The following THRB variants were observed in gnomAD, a reference collection of about 807,000 sequenced individuals.
THRB encodes nuclear receptor subfamily 1 group A member 2.
Under a neutral mutation model 47.8 loss-of-function variants are expected in THRB, and 12 were observed. The ratio of observed to expected loss-of-function variants is 0.25; its 90% CI spans 0.16 to 0.41. THRB has a LOEUF of 0.41. Among genes scored for constraint, THRB ranks in the 10% least tolerant of loss-of-function variants. THRB has a pLI of 1.00. For missense variants in THRB, 348 were observed against 589.2 expected, an observed-to-expected ratio of 0.59 and a Z score of 4.24; for synonymous variants, 218 against 212.2, an observed-to-expected ratio of 1.03 and a Z score of -0.24.
intron 1 of THRB, among the ~76,000 whole-genome samples, chr3:24,371,778 C>T (rs764195627): frequency 1.3e-5 from 2 of 152,060 alleles, no homozygotes; most frequent in Admixed American, 1.3e-4. Context: ...CCCTTGGAGG[C>T]GTTGAAGGCA....
At chr3:24,165,042 A>T in intron 5 of THRB, 1 of 750,788 alleles carries the variant, frequency 1.3e-6, no homozygotes, top group South Asian at 1.4e-5. Context: ...TTTTGAGAAT[A>T]CGATGGCGAC....
intron 1 of THRB, among the ~76,000 whole-genome samples, chr3:24,430,356 A>G (rs561006832): frequency 1.3e-5 from 2 of 152,252 alleles, no homozygotes; most frequent in East Asian, 1.9e-4. Flanking sequence ...GAGGCTTTGC[A>G]TTGAAGATCA....
intron 8 of THRB, among the ~76,000 whole-genome samples, chr3:24,143,046 A>G (rs539079773): frequency 5.9e-5 from 9 of 152,172 alleles, no homozygotes; most frequent in Non-Finnish European, 1.0e-4. Flanking sequence ...AAGCTAAAAA[A>G]TTTTGACTTC....
intron 1 of THRB, among the ~76,000 whole-genome samples, chr3:24,388,793 G>A (rs1334159529): frequency 6.6e-6 from 1 of 151,982 alleles, no homozygotes; most frequent in Non-Finnish European, 1.5e-5. Flanking sequence ...CTCAAGGCAG[G>A]CTACTTCCTT....
intron 1 of THRB, among the ~76,000 whole-genome samples, chr3:24,443,982 C>T (rs2071807499): frequency 6.6e-6 from 1 of 152,034 alleles, no homozygotes; most frequent in Non-Finnish European, 1.5e-5. Flanking sequence ...TGATAATTTA[C>T]CAAAATCATC....
chr3:24,474,909 C>A (rs1695221321), intron 1 of THRB, among the ~76,000 whole-genome samples: 1 of 152,194 alleles, frequency 6.6e-6, no homozygotes. Flanking sequence ...TGAAATTTGT[C>A]CAATACGCTG....
chr3:24,432,845 G>C (rs552707443), intron 1 of THRB, among the ~76,000 whole-genome samples: 1 of 152,084 alleles, frequency 6.6e-6, no homozygotes, highest in South Asian at 2.1e-4. Context: ...CTGATTCTGG[G>C]TGGTGGCCTA....
chr3:24,308,949 T>A (rs575766863), intron 2 of THRB, among the ~76,000 whole-genome samples: 1 of 152,292 alleles, frequency 6.6e-6, no homozygotes, highest in East Asian at 1.9e-4. Context: ...CCATTTAAAC[T>A]GCCATACCCA....
intron 1 of THRB, among the ~76,000 whole-genome samples, chr3:24,429,350 T>G (rs1380495793): frequency 6.6e-6 from 1 of 151,510 alleles, no homozygotes; most frequent in Non-Finnish European, 1.5e-5. Context: ...TATATGCATA[T>G]ATGCAAGGTT....
At chr3:24,471,291 G>C (rs2074549874) in intron 1 of THRB, among the ~76,000 whole-genome samples, 1 of 152,174 alleles carries the variant, frequency 6.6e-6, no homozygotes. Flanking sequence ...CTGGGGATGT[G>C]ATGCAGCAAT....
chr3:24,430,547 T>C (rs2070281040), intron 1 of THRB, among the ~76,000 whole-genome samples: 1 of 152,112 alleles, frequency 6.6e-6, no homozygotes, highest in Non-Finnish European at 1.5e-5. Flanking sequence ...CTGAACTCTA[T>C]ACCTAAAATG....
chr3:24,430,616 A>G (rs974879627), intron 1 of THRB: 6 of 152,106 alleles, frequency 3.9e-5, no homozygotes, highest in African/African-American at 1.4e-4. Context: ...TAAAAAAGAC[A>G]TTTAAGTACT....
chr3:24,279,675 G>T (rs538140582), intron 3 of THRB, among the ~76,000 whole-genome samples: 1 of 151,948 alleles, frequency 6.6e-6, no homozygotes, highest in African/African-American at 2.4e-5. Context: ...GATTACAGGC[G>T]TGAGCCACCG....
chr3:24,287,007 G>T (rs955353925), intron 3 of THRB, among the ~76,000 whole-genome samples: 2 of 152,104 alleles, frequency 1.3e-5, no homozygotes, highest in Non-Finnish European at 2.9e-5. Context: ...AAATTCCAAG[G>T]AATAAAATTT....
At chr3:24,445,369 C>CA (rs2071965057) in intron 1 of THRB, among the ~76,000 whole-genome samples, 1 of 151,984 alleles carries the variant, frequency 6.6e-6, no homozygotes, top group Admixed American at 6.6e-5. Context: ...TGAAATGTGT[C>CA]AGAGAGTAAT....
chr3:24,236,946 G>T (rs2048935954), intron 3 of THRB, among the ~76,000 whole-genome samples: 1 of 152,160 alleles, frequency 6.6e-6, no homozygotes, highest in Non-Finnish European at 1.5e-5. Flanking sequence ...CAGAGGCAAG[G>T]TGTTTTCAAA....
intron 3 of THRB, among the ~76,000 whole-genome samples, chr3:24,229,352 C>G (rs1351387324): frequency 6.6e-6 from 1 of 152,188 alleles, no homozygotes; most frequent in Non-Finnish European, 1.5e-5. Flanking sequence ...TCTTGCTTCT[C>G]AAGGTGTGGT....
At chr3:24,152,973 AGAAAG>A (rs1195262234) in intron 5 of THRB, among the ~76,000 whole-genome samples, 38 of 3,438 alleles carry the variant, frequency 0.011, no homozygotes, top group Admixed American at 0.043. Flanking sequence ...AAAAAAAAAA[AGAAAG>A]AAAGAAAGAA....
intron 5 of THRB, among the ~76,000 whole-genome samples, chr3:24,173,100 A>G (rs2040647122): frequency 2.6e-5 from 4 of 152,196 alleles, no homozygotes; most frequent in Admixed American, 2.6e-4. Context: ...TTAGAAATGC[A>G]AATTCTGCAG....
Sources: allele counts gnomAD v4.1 joint callset (sites outside exome capture counted in the v4.1 genomes callset), GRCh38; gene constraint gnomAD v4.1.1; transcripts MANE v1.5; gene names NCBI Gene and HGNC (gene_info 2026-07-23, HGNC 2026-07-21).